The following PRMT8 variants were observed in gnomAD, a reference collection of about 807,000 sequenced individuals.
The protein encoded by PRMT8 is protein arginine N-methyltransferase 8.
In PRMT8, 7 loss-of-function variants were observed where a neutral mutation model predicts 47.1. That is an observed-to-expected ratio of 0.15 (90% CI 0.08 to 0.28). The LOEUF (loss-of-function observed/expected upper bound fraction) is 0.28, where lower values mean the gene tolerates loss of function less well. Ranked by LOEUF, PRMT8 falls within the 10% of genes least tolerant of loss-of-function variation. The pLI is 1.00. For synonymous variants in PRMT8, 188 were observed against 186.5 expected (o/e 1.01, Z -0.07); for missense variants, 237 against 505.4 (o/e 0.47, Z 5.09).
rs543432553 is a variant in PRMT8 at position 3,408,243 on chromosome 12, T to G, written c.48+26801T>G. 3.1e-4 allele frequency among the ~76,000 whole-genome samples: 47 copies of G among 151,722 alleles called. No individual in the cohort carries two copies. The South Asian group carries it at 9.7e-3, about 31-fold the overall frequency. On this transcript the variant is annotated intron_variant, in intron 1 of 9. Transcript: ENST00000452611. ...CCTATCCTCTCTTTTCTTTTCTTTT[T>G]TTTCTTTCTAGATCATGTCTAACTC...
Position 3,493,196 on chromosome 12 carries a change from C to T in PRMT8, c.75+1496C>T, listed in dbSNP as rs1173279241. On this transcript the variant is annotated intron_variant, in intron 1 of 9. Transcript: ENST00000382622. This position sits in a 1 kb window ranked among gnomAD's most constrained non-coding sequence, Gnocchi z 8.2. ...TGAGTTAGGGCAAAGCCTGCGTGCC[C>T]GCCGTCCCCTCACCACTTCCTCTTC... Among the ~76,000 whole-genome samples, 2 of 152,168 alleles carry T rather than the reference C, an allele frequency of 1.3e-5. No individual in the cohort carries two copies. Among genetic ancestry groups the T allele is most frequent in the African/African-American group, 4.8e-5 (2 of 41,434 alleles).
chr12:3,540,804 G>T lies in PRMT8; in HGVS notation c.261+13G>T, dbSNP rs57846693. 2.5e-6 allele frequency: 4 copies of T among 1,611,098 alleles called. No individual in the cohort carries two copies. The highest frequency in any genetic ancestry group is 1.7e-5 in the Admixed American group (1 of 59,860). ...TGGGATCCACGAGGTAAAGTGTCCCGAGTGGGTGGCTAATGGGGCGAGGCT... is the reference window on the plus strand; with the variant it reads ...TGGGATCCACGAGGTAAAGTGTCCCTAGTGGGTGGCTAATGGGGCGAGGCT... On this transcript the variant is annotated intron_variant, in intron 2 of 9. Coordinates refer to ENST00000382622, the MANE Select transcript of PRMT8 (RefSeq NM_019854.5).
chr12:3,505,086 C>T (rs1865598757), intron 1 of PRMT8, among the ~76,000 whole-genome samples: 1 of 143,380 alleles, frequency 7.0e-6, no homozygotes, highest in Non-Finnish European at 1.5e-5. Flanking sequence ...CACACACTGG[C>T]CTGCGCCCAC....
At chr12:3,590,209 C>A (rs569481104) in intron 8 of PRMT8, among the ~76,000 whole-genome samples, 4 of 152,334 alleles carry the variant, frequency 2.6e-5, no homozygotes, top group African/African-American at 9.6e-5. Flanking sequence ...CTTGAGTTTG[C>A]ATCGATTTCC....
chr12:3,540,501 G>A (rs1253411341), intron 1 of PRMT8, 105 bp from the exon 2 acceptor site: 7 of 762,234 alleles, frequency 9.2e-6, no homozygotes, highest in Non-Finnish European at 1.5e-5. Flanking sequence ...TGCTGTGGCT[G>A]CTTGAGGCCG....
rs750324586 is a variant in PRMT8, at chr12:3,574,410, G to A, written c.713-2461G>A. Among the ~76,000 whole-genome samples, 10 of 152,256 alleles carry A rather than the reference G, an allele frequency of 6.6e-5. No homozygotes were observed. The East Asian group carries it at 1.2e-3, about 18-fold the overall frequency. ...GAGATTCTGATTCAGTAGGTCTGGC[G>A]TGGGCCCTGGAGTCTGCATTTTAAA... is the stretch of plus-strand genomic sequence containing the variant. On this transcript the variant is annotated intron_variant, in intron 6 of 9. Coordinates refer to ENST00000382622, the MANE Select transcript of PRMT8 (RefSeq NM_019854.5).
At chr12:3,404,185 G>A (rs1444167132) in intron 1 of PRMT8, among the ~76,000 whole-genome samples, 4 of 151,896 alleles carry the variant, frequency 2.6e-5, no homozygotes, top group African/African-American at 4.8e-5. Flanking sequence ...TTCTGAAATT[G>A]GTATGTATAC....
intron 1 of PRMT8, among the ~76,000 whole-genome samples, chr12:3,533,259 C>T (rs563528133): frequency 8.1e-4 from 123 of 152,204 alleles, no homozygotes; most frequent in African/African-American, 2.8e-3. Context: ...ATGAGGCAGA[C>T]GACTGAAGAA....
chr12:3,405,713 C>T (rs1284990062), intron 1 of PRMT8, among the ~76,000 whole-genome samples: 1 of 152,166 alleles, frequency 6.6e-6, no homozygotes, highest in Non-Finnish European at 1.5e-5. Context: ...CCTTTGACAC[C>T]ATGTCTCACA....
chr12:3,538,580 G>A lies in PRMT8; in HGVS notation c.76-2026G>A. 1 of 518,146 alleles carries A rather than the reference G, an allele frequency of 1.9e-6. No homozygotes were observed. Among genetic ancestry groups the A allele is most frequent in the East Asian group, 5.5e-5 (1 of 18,346 alleles). The allele number at this position is 518,146 out of a possible 1,614,324, so 32.1% of individuals were successfully genotyped here. A position where few individuals can be genotyped will look rare whatever the true frequency, so the allele number is the denominator to read the frequency against. On this transcript the variant is annotated intron_variant, in intron 1 of 9. Coordinates refer to ENST00000382622, the MANE Select transcript of PRMT8 (RefSeq NM_019854.5). This position sits in a 1 kb window ranked among gnomAD's most constrained non-coding sequence, Gnocchi z 4.6. ...AGTGGAGTGACAGCTAAGGGGTGCT[G>A]GAGGCCCCTGTGACCTTGACCATGC...
At chr12:3,469,595 C>T (rs1220948414) in intron 1 of PRMT8, among the ~76,000 whole-genome samples, 1 of 151,872 alleles carries the variant, frequency 6.6e-6, no homozygotes, top group East Asian at 1.9e-4. Context: ...TGACCGTTGG[C>T]CAGAAATTTC....
chr12:3,437,622 C>CTACATATATATATATATA (rs1555079682), intron 1 of PRMT8, among the ~76,000 whole-genome samples: 2 of 142,818 alleles, frequency 1.4e-5, no homozygotes, highest in African/African-American at 5.4e-5. Flanking sequence ...TGCATTCAGG[C>CTACATATATATATATATA]TATATATATA....
chr12:3,454,194 G>A (rs914139349), intron 1 of PRMT8, among the ~76,000 whole-genome samples: 4 of 150,250 alleles, frequency 2.7e-5, no homozygotes, highest in Non-Finnish European at 4.4e-5. Flanking sequence ...CCCACCCCGC[G>A]CCCTGTGTCT....
chr12:3,420,548 A>G (rs1864530657), intron 1 of PRMT8, among the ~76,000 whole-genome samples: 3 of 152,134 alleles, frequency 2.0e-5, no homozygotes, highest in Admixed American at 1.3e-4. Flanking sequence ...TTAGGTGTTC[A>G]TGTCTAGGTC....
chr12:3,394,338 G>A (rs936421229), intron 1 of PRMT8, among the ~76,000 whole-genome samples: 1 of 152,190 alleles, frequency 6.6e-6, no homozygotes, highest in Non-Finnish European at 1.5e-5. Context: ...TATGATATTG[G>A]CTGTGGGTTT....
At chr12:3,517,635 T>G (rs1339565821) in intron 1 of PRMT8, among the ~76,000 whole-genome samples, 1 of 151,828 alleles carries the variant, frequency 6.6e-6, no homozygotes, top group Non-Finnish European at 1.5e-5. Flanking sequence ...GCAAGAAACC[T>G]CCATTGAGGG....
At chr12:3,469,262 G>A (rs762840746) in intron 1 of PRMT8, 10 of 433,962 alleles carry the variant, frequency 2.3e-5, no homozygotes, top group Admixed American at 1.9e-4. Flanking sequence ...AGACCTTCAC[G>A]TGCTGCCTCA....
At chr12:3,519,035 GCCACACAGCTATATGTGGAAGCTGGCTGC>G (rs1254938917) in intron 1 of PRMT8, among the ~76,000 whole-genome samples, 1 of 152,154 alleles carries the variant, frequency 6.6e-6, no homozygotes, top group African/African-American at 2.4e-5. Flanking sequence ...GGGAGAGCCG[GCCACACAGCTATATGTGGAAGCTGGCTGC>G]TAGAAAGCTG....
At chr12:3,475,317 G>C (rs1011158893) in intron 1 of PRMT8, among the ~76,000 whole-genome samples, 1 of 152,208 alleles carries the variant, frequency 6.6e-6, no homozygotes, top group Non-Finnish European at 1.5e-5. Flanking sequence ...GGAAATGCAC[G>C]ATTTCTTATT....
Sources: allele counts gnomAD v4.1 joint callset (sites outside exome capture counted in the v4.1 genomes callset), GRCh38; gene constraint gnomAD v4.1.1; non-coding constraint Gnocchi (gnomAD v3.1); transcripts MANE v1.5; gene names NCBI Gene and HGNC (gene_info 2026-07-23, HGNC 2026-07-21).